SDK1: variants seen among roughly 807,000 people sequenced by gnomAD.
SDK1 encodes sidekick cell adhesion molecule 1.
SDK1 carries 157 observed loss-of-function variants against 245.5 expected under a neutral mutation model. The ratio of observed to expected loss-of-function variants is 0.64; its 90% CI spans 0.56 to 0.73. The LOEUF (loss-of-function observed/expected upper bound fraction) is 0.73. Among genes scored for constraint, SDK1 ranks in the 30% least tolerant of loss-of-function variants. The pLI, the probability that SDK1 is intolerant of heterozygous loss-of-function variation, is 0.00. For synonymous variants in SDK1, 1,647 were observed against 1,278.5 expected (o/e 1.29, Z -6.15); for missense variants, 3,583 against 3,002.3 (o/e 1.19, Z -4.52).
intron 1 of SDK1, among the ~76,000 whole-genome samples, chr7:3,418,357 T>C (rs1395035555): frequency 6.6e-6 from 1 of 152,012 alleles, no homozygotes; most frequent in African/African-American, 2.4e-5. Context: ...ATGACTCTTT[T>C]CTCAATGGGT....
chr7:4,204,123 C>T (rs1373450968), intron 35 of SDK1, among the ~76,000 whole-genome samples: 2 of 152,262 alleles, frequency 1.3e-5, no homozygotes, highest in Non-Finnish European at 2.9e-5. Context: ...GGCGATGTCT[C>T]ACCGACTACC....
Position 3,639,032 on chromosome 7 carries a change from G to C in SDK1, c.487G>C (p.Asp163His), listed in dbSNP as rs138161904. 4.4e-6 allele frequency: 7 copies of C among 1,604,086 alleles called. No homozygotes were observed. Among genetic ancestry groups the C allele is most frequent in the African/African-American group, 2.7e-5 (2 of 74,932 alleles). The change falls in exon 3 of 45, where the codon GAT becomes CAT. Residue 163 changes from aspartate (D) to histidine (H), a missense_variant. Coordinates refer to ENST00000404826, the MANE Select transcript of SDK1 (RefSeq NM_152744.4). ...CATTATTCCATCTTTGCAGAAGCTC[G>C]ATGCTGGGTTTTACCGCTGCGTGGT... ...KYIIPSLQKLDAGFYRCVVRN... is the reference protein window; with the variant it reads ...KYIIPSLQKLHAGFYRCVVRN...
At chr7:3,909,213 C>G (rs1281917850) in intron 5 of SDK1, among the ~76,000 whole-genome samples, 1 of 152,214 alleles carries the variant, frequency 6.6e-6, no homozygotes, top group African/African-American at 2.4e-5. Flanking sequence ...CCATCATACA[C>G]CTGTTTTCCA....
rs1031091622 is a variant in SDK1 at position 4,116,728 on chromosome 7, A to G, written c.3823+2454A>G. Among the ~76,000 whole-genome samples, 8 of 152,352 alleles carry G rather than the reference A, an allele frequency of 5.3e-5. No homozygotes were observed. In the East Asian group the frequency reaches 1.3e-3, roughly 26 times the overall value. ...AGGGTAGACAGGAGGACTCTTAAGC[A>G]GTAGCAGGGAGAAGCAGAACCATGG... On this transcript the variant is annotated intron_variant, in intron 25 of 44. Transcript: ENST00000404826.
chr7:3,623,851 T>G (rs74928326), intron 2 of SDK1, among the ~76,000 whole-genome samples: 2 of 152,214 alleles, frequency 1.3e-5, no homozygotes, highest in South Asian at 2.1e-4. Context: ...AGTTTTCTTA[T>G]GTAACCTGCC....
chr7:3,812,745 A>G (rs1398985697), intron 4 of SDK1, among the ~76,000 whole-genome samples: 1 of 152,134 alleles, frequency 6.6e-6, no homozygotes, highest in Admixed American at 6.6e-5. Flanking sequence ...TTCCTGAAGA[A>G]TCACAGTTCT....
chr7:4,239,599 G>A (rs1345292412), intron 42 of SDK1, among the ~76,000 whole-genome samples: 3 of 152,034 alleles, frequency 2.0e-5, no homozygotes, highest in East Asian at 3.9e-4. Context: ...CCAGGGCTAC[G>A]GTGATCCTCC....
At chr7:3,343,580 G>A (rs1780411901) in intron 1 of SDK1, among the ~76,000 whole-genome samples, 1 of 152,142 alleles carries the variant, frequency 6.6e-6, no homozygotes, top group African/African-American at 2.4e-5. Context: ...TATCTTGGCT[G>A]TATCGATGTC....
intron 1 of SDK1, among the ~76,000 whole-genome samples, chr7:3,566,976 C>G (rs923642614): frequency 1.3e-5 from 2 of 151,776 alleles, no homozygotes; most frequent in African/African-American, 2.4e-5. Flanking sequence ...GGAGTGTAGA[C>G]TTGGCACCTA....
At chr7:4,050,349 A>G (rs955583310) in intron 18 of SDK1, among the ~76,000 whole-genome samples, 1 of 152,262 alleles carries the variant, frequency 6.6e-6, no homozygotes, top group African/African-American at 2.4e-5. Context: ...GTTTACCCTC[A>G]GAAGTATCCA....
At chr7:4,180,408 C>A (rs76366666) in intron 35 of SDK1, among the ~76,000 whole-genome samples, 27,554 of 120,276 alleles carry the variant, frequency 0.23, 3,332 homozygotes, top group African/African-American at 0.43. Context: ...GCGCCTGGCT[C>A]CAGCTCTATG....
chr7:4,181,455 G>C (rs1016945239), intron 35 of SDK1, among the ~76,000 whole-genome samples: 2 of 152,182 alleles, frequency 1.3e-5, no homozygotes, highest in African/African-American at 2.4e-5. Flanking sequence ...CCCAGGTGTG[G>C]GGAGGCAGTT....
chr7:4,232,384 C>CTTT (rs1425066111), intron 40 of SDK1, among the ~76,000 whole-genome samples: 1 of 92,862 alleles, frequency 1.1e-5, no homozygotes, highest in Non-Finnish European at 2.4e-5. Flanking sequence ...TTCCTTTTTT[C>CTTT]TTTTTTTCTT....
chr7:3,656,243 A>G (rs1783180722), intron 4 of SDK1, among the ~76,000 whole-genome samples: 1 of 152,178 alleles, frequency 6.6e-6, no homozygotes. Flanking sequence ...GTCCTTGGGA[A>G]ACTCAAGTGA....
chr7:4,268,752 A>G lies in SDK1; in HGVS notation c.*3368A>G, dbSNP rs777373486. ...CCCCGTGGGTCAGCGTCCTGGTAGCATGGATCCAGTCTGAAAGGTGAGGAC... is the reference window on the plus strand; with the variant it reads ...CCCCGTGGGTCAGCGTCCTGGTAGCGTGGATCCAGTCTGAAAGGTGAGGAC... On this transcript the variant is annotated 3_prime_UTR_variant, in exon 45 of 45. Transcript: ENST00000404826. 1 of 1,367,560 alleles carries G rather than the reference A, an allele frequency of 7.3e-7. No individual in the cohort carries two copies. The highest frequency in any genetic ancestry group is 9.8e-7 in the Non-Finnish European group (1 of 1,021,854). The allele number at this position is 1,367,560 out of a possible 1,614,324, so 84.7% of individuals were successfully genotyped here.
intron 35 of SDK1, among the ~76,000 whole-genome samples, chr7:4,188,360 C>T (rs1783006798): frequency 6.6e-6 from 1 of 152,136 alleles, no homozygotes; most frequent in Non-Finnish European, 1.5e-5. Context: ...TTTAGGTTTG[C>T]AGAACCAGCA....
chr7:3,908,507 C>A (rs1779040216), intron 5 of SDK1, among the ~76,000 whole-genome samples: 1 of 152,196 alleles, frequency 6.6e-6, no homozygotes, highest in Admixed American at 6.5e-5. Context: ...TTGGAAACTG[C>A]ATAGAGATTC....
chr7:4,233,730 G>A (rs528850444), intron 41 of SDK1, among the ~76,000 whole-genome samples: 42 of 152,184 alleles, frequency 2.8e-4, no homozygotes, highest in Admixed American at 2.6e-4. Flanking sequence ...CATGTGGGTG[G>A]GGAGAGCAGT....
At chr7:3,331,421 C>T (rs866081575) in intron 1 of SDK1, among the ~76,000 whole-genome samples, 36 of 152,128 alleles carry the variant, frequency 2.4e-4, no homozygotes, top group South Asian at 1.2e-3. Context: ...TTTTCATGTG[C>T]GTATTGTCCA....
Sources: allele counts gnomAD v4.1 joint callset (sites outside exome capture counted in the v4.1 genomes callset), GRCh38; gene constraint gnomAD v4.1.1; transcripts MANE v1.5; gene names NCBI Gene and HGNC (gene_info 2026-07-23, HGNC 2026-07-21).